Variants in C1orf198 observed in about 807,000 individuals in gnomAD.
C1orf198 encodes the protein chromosome 1 open reading frame 198.
Under a neutral mutation model 31.4 loss-of-function variants are expected in C1orf198, and 17 were observed. The observed-to-expected ratio is 0.54, with a 90% confidence interval of 0.37 to 0.81. The LOEUF (loss-of-function observed/expected upper bound fraction) is 0.81. C1orf198 is among the 40% of genes least tolerant of loss of function. The pLI is 0.00. For missense variants in C1orf198, 401 were observed against 450.3 expected (o/e 0.89, Z 0.99); for synonymous variants, 175 against 193.8 (o/e 0.90, Z 0.81).
At chr1:230,858,067 T>G (rs891798632) in intron 1 of C1orf198, among the ~76,000 whole-genome samples, 3 of 152,230 alleles carry the variant, frequency 2.0e-5, no homozygotes, top group Non-Finnish European at 4.4e-5. Context: ...CACTTCCCAA[T>G]GCACAAACTT....
chr1:230,856,766 A>T (rs1572136333), intron 1 of C1orf198, among the ~76,000 whole-genome samples: 1 of 152,298 alleles, frequency 6.6e-6, no homozygotes, highest in East Asian at 1.9e-4. Flanking sequence ...GGGATAAAAT[A>T]TTTTAAACGG....
chr1:230,843,945 A>C lies in C1orf198; in HGVS notation c.385-49T>G. On this transcript the variant is annotated intron_variant, in intron 2 of 3. Coordinates refer to ENST00000366663, the MANE Select transcript of C1orf198 (RefSeq NM_032800.3). The surrounding 1 kb of genome is among the most constrained non-coding windows in gnomAD (Gnocchi z 4.9). ...CAGAAAAAAGAAAGAGATCCTGAGA[A>C]TCGACCGTCACAAGTGTGCCAGCTC... 6.7e-7 allele frequency: 1 copy of C among 1,485,622 alleles called. No homozygotes were observed. The highest frequency in any genetic ancestry group is 1.4e-5 in the South Asian group (1 of 72,792). 92.0% of individuals were successfully genotyped at this position (1,485,622 alleles called of 1,614,324 possible). A position where few individuals can be genotyped will look rare whatever the true frequency, so the allele number is the denominator to read the frequency against.
At chr1:230,861,921 G>C (rs1037690394) in intron 1 of C1orf198, among the ~76,000 whole-genome samples, 1 of 152,208 alleles carries the variant, frequency 6.6e-6, no homozygotes, top group Non-Finnish European at 1.5e-5. Flanking sequence ...AATAAGGAGA[G>C]TTTCTGGTTG....
intron 3 of C1orf198, among the ~76,000 whole-genome samples, chr1:230,841,379 G>A (rs866202300): frequency 1.3e-5 from 2 of 152,200 alleles, no homozygotes; most frequent in Admixed American, 1.3e-4. Context: ...GCCGAGGGAG[G>A]TGTGGAAGTA....
chr1:230,869,589 A>G (rs965904821), upstream of C1orf198: 2 of 152,222 alleles, frequency 1.3e-5, no homozygotes, highest in Non-Finnish European at 1.5e-5. Context: ...TGAACACAAA[A>G]GTAGAAATAA....
chr1:230,858,237 A>C (rs1669923670), intron 1 of C1orf198, among the ~76,000 whole-genome samples: 1 of 152,164 alleles, frequency 6.6e-6, no homozygotes, highest in African/African-American at 2.4e-5. Context: ...GAGCTAAATA[A>C]CCAAAGTCCC....
chr1:230,842,753 T>TAA (rs201400477), intron 3 of C1orf198, among the ~76,000 whole-genome samples: 11 of 145,038 alleles, frequency 7.6e-5, no homozygotes, highest in Admixed American at 5.5e-4. Context: ...AAATAAAAAT[T>TAA]AAAAAAAAAA....
At position 230,843,814 on chromosome 1, in the gene C1orf198, G is replaced by A. The variant is rs150666760; in HGVS notation, c.467C>T (p.Ser156Phe). 44 of 1,595,066 alleles carry A rather than the reference G, an allele frequency of 2.8e-5. No individual in the cohort carries two copies. The African/African-American group carries it at 4.7e-4, about 17-fold the overall frequency. Residue 156 changes from serine (S) to phenylalanine (F), a missense_variant, in exon 3 of 4, where the codon TCC (serine) becomes TTC (phenylalanine). Physicochemically the swap from Ser to Phe is radical, Grantham distance 155. Coordinates refer to ENST00000366663, the MANE Select transcript of C1orf198 (RefSeq NM_032800.3). The surrounding 1 kb of genome is among the most constrained non-coding windows in gnomAD (Gnocchi z 4.9). ...GTAASEPRPL[S>F]KASQGSQALK... The stretch of plus-strand genomic sequence containing the variant: ...GGCCTGGGAGCCCTGGGAAGCTTTG[G>A]ACAGTGGTCTGGGCTCGCTGGCGGC...
At chr1:230,862,815 C>T (rs1439925389) in intron 1 of C1orf198, among the ~76,000 whole-genome samples, 1 of 152,166 alleles carries the variant, frequency 6.6e-6, no homozygotes, top group Non-Finnish European at 1.5e-5. Flanking sequence ...TGTCAAGATC[C>T]ATACAGTGGA....
intron 3 of C1orf198, among the ~76,000 whole-genome samples, chr1:230,842,764 AG>A (rs1669477160): frequency 6.6e-6 from 1 of 151,928 alleles, no homozygotes; most frequent in African/African-American, 2.4e-5. Flanking sequence ...AAAAAAAAAA[AG>A]AGTGACCCAC....
Position 230,843,963 on chromosome 1 carries a change from G to A in C1orf198, c.385-67C>T. 2.1e-6 allele frequency: 3 copies of A among 1,445,692 alleles called. No individual in the cohort carries two copies. Among genetic ancestry groups the A allele is most frequent in the Admixed American group, 2.3e-5 (1 of 43,608 alleles). The allele number at this position is 1,445,692 out of a possible 1,614,324, so 89.6% of individuals were successfully genotyped here. On this transcript the variant is annotated intron_variant, in intron 2 of 3. Coordinates refer to ENST00000366663, the MANE Select transcript of C1orf198 (RefSeq NM_032800.3). This position sits in a 1 kb window ranked among gnomAD's most constrained non-coding sequence, Gnocchi z 4.9. Reference sequence around the variant, plus strand: ...CCTGAGAATCGACCGTCACAAGTGTGCCAGCTCACGCACCCCTCCTCAGCA... The same window carrying A: ...CCTGAGAATCGACCGTCACAAGTGTACCAGCTCACGCACCCCTCCTCAGCA...
chr1:230,867,033 C>T (rs190317121), intron 1 of C1orf198, among the ~76,000 whole-genome samples: 1,671 of 152,290 alleles, frequency 0.011, 14 homozygotes, highest in Non-Finnish European at 0.018. Flanking sequence ...TCTCAGCACA[C>T]CCAAGCCTGA....
intron 1 of C1orf198, among the ~76,000 whole-genome samples, chr1:230,863,834 T>A (rs904549568): frequency 6.6e-6 from 1 of 152,244 alleles, no homozygotes; most frequent in South Asian, 2.1e-4. Context: ...AACCCTGCTA[T>A]CCTTTCTAAA....
intron 1 of C1orf198, among the ~76,000 whole-genome samples, chr1:230,861,779 C>G (rs1285067842): frequency 6.6e-6 from 1 of 152,204 alleles, no homozygotes; most frequent in East Asian, 1.9e-4. Flanking sequence ...CCTCCACAAG[C>G]TGTTCCAGGA....
At chr1:230,865,580 C>T (rs1670100934) in intron 1 of C1orf198, among the ~76,000 whole-genome samples, 1 of 152,206 alleles carries the variant, frequency 6.6e-6, no homozygotes, top group Non-Finnish European at 1.5e-5. Flanking sequence ...TCAAAGGCAG[C>T]AGCCTCCTTC....
chr1:230,868,504 G>C lies in C1orf198; in HGVS notation c.9C>G (p.Ser3=), dbSNP rs1456467791. The C allele has an allele frequency of 6.9e-7, 1 of 1,446,650 alleles. No homozygotes were observed. The highest frequency in any genetic ancestry group is 9.2e-7 in the Non-Finnish European group (1 of 1,088,846). The allele number at this position is 1,446,650 out of a possible 1,614,324, so 89.6% of individuals were successfully genotyped here. A position where few individuals can be genotyped will look rare whatever the true frequency, so the allele number is the denominator to read the frequency against. Residue 3 remains serine (S), a synonymous_variant, in exon 1 of 4, where the codon TCC becomes TCG. Transcript: ENST00000366663. ...GCGAAGCCGCGATCGCCGCCGCCAT[G>C]GACGCCATGCCCGGCCTGCCCGCCG... MA[S]MAAAIAASRS... is the part of the protein sequence containing the mutation.
intron 2 of C1orf198, among the ~76,000 whole-genome samples, chr1:230,854,481 C>T (rs1051511317): frequency 2.6e-5 from 4 of 152,168 alleles, no homozygotes; most frequent in Non-Finnish European, 4.4e-5. Flanking sequence ...ATCTTGTGCT[C>T]TCTCCCAAGA....
intron 1 of C1orf198, among the ~76,000 whole-genome samples, chr1:230,865,472 T>C (rs1368430696): frequency 6.6e-6 from 1 of 152,246 alleles, no homozygotes; most frequent in Non-Finnish European, 1.5e-5. Context: ...CTAAAATGCC[T>C]TGTCTCTAAT....
chr1:230,847,371 A>C (rs1345538825), intron 2 of C1orf198, among the ~76,000 whole-genome samples: 1 of 152,200 alleles, frequency 6.6e-6, no homozygotes, highest in East Asian at 1.9e-4. Context: ...CTGATGTATC[A>C]GGACTGTTGT....
Sources: allele counts gnomAD v4.1 joint callset (sites outside exome capture counted in the v4.1 genomes callset), GRCh38; gene constraint gnomAD v4.1.1; non-coding constraint Gnocchi (gnomAD v3.1); transcripts MANE v1.5; gene names NCBI Gene and HGNC (gene_info 2026-07-23, HGNC 2026-07-21).